Variants in CUL9 observed in about 807,000 individuals in gnomAD.
CUL9 encodes cullin 9.
In CUL9, 79 loss-of-function variants were observed where a neutral mutation model predicts 272.6. The ratio of observed to expected loss-of-function variants is 0.29; its 90% CI spans 0.24 to 0.35. The LOEUF is 0.35. Among genes scored for constraint, CUL9 ranks in the 10% least tolerant of loss-of-function variants. CUL9 has a pLI of 1.00. For missense variants in CUL9, 2,532 were observed against 3,255.6 expected (o/e 0.78, Z 5.41); for synonymous variants, 1,186 against 1,286.5 (o/e 0.92, Z 1.67).
intron 8 of CUL9, among the ~76,000 whole-genome samples, chr6:43,190,348 A>T (rs529969125): frequency 2.6e-4 from 39 of 150,334 alleles, no homozygotes; most frequent in African/African-American, 9.5e-4. Flanking sequence ...CCACTTTTTA[A>T]TTGGATCTTT....
chr6:43,188,776 C>T (rs574090147), intron 8 of CUL9, 61 bp downstream of exon 8: 45 of 1,372,164 alleles, frequency 3.3e-5, no homozygotes, highest in African/African-American at 1.9e-4. Context: ...ATGGTGGTAG[C>T]GGGGAAGGAG....
chr6:43,206,178 C>T lies in CUL9; in HGVS notation c.4965C>T (p.Leu1655=), dbSNP rs45597237. The T allele has an allele frequency of 3.6e-4, 575 of 1,613,282 alleles. No homozygotes were observed. The highest frequency in any genetic ancestry group is 4.7e-4 in the Non-Finnish European group (552 of 1,179,784). Residue 1655 remains leucine (L), a synonymous_variant, in exon 25 of 41, where the codon CTC becomes CTT. Transcript: ENST00000252050. The surrounding 1 kb of genome is among the most constrained non-coding windows in gnomAD (Gnocchi z 4.8). ...TCCACCTCTTCCAGCTCCAGCGGCT[C>T]GACAAGTTGTTCTTGGAGCAGGAAG... ...RQFHLFQLQR[L]DKLFLEQEDE... is the part of the protein sequence containing the mutation.
chr6:43,196,320 C>A, intron 10 of CUL9, 55 bp downstream of exon 10: 1 of 1,506,168 alleles, frequency 6.6e-7, no homozygotes, highest in Non-Finnish European at 9.0e-7. Flanking sequence ...AACCCTGCTA[C>A]TCCTGTGCTC....
intron 8 of CUL9, among the ~76,000 whole-genome samples, chr6:43,189,453 G>A (rs1211934936): frequency 1.3e-5 from 2 of 151,976 alleles, no homozygotes; most frequent in African/African-American, 4.8e-5. Flanking sequence ...CAAAGTGCTG[G>A]GATTGCAGGC....
At position 43,203,443 on chromosome 6, in the gene CUL9, T is replaced by C; in HGVS notation, c.3876T>C (p.Gly1292=). 1 of 1,613,884 alleles carries C rather than the reference T, an allele frequency of 6.2e-7. No individual in the cohort carries two copies. The highest frequency in any genetic ancestry group is 1.6e-4 in the Middle Eastern group (1 of 6,062). Residue 1292 remains glycine, a synonymous_variant, in exon 19 of 41, where the codon GGT becomes GGC. Transcript: ENST00000252050. The surrounding 1 kb of genome is among the most constrained non-coding windows in gnomAD (Gnocchi z 5.0). ...QQGGIDTRVR[G]VEVLGPKPTF... is the part of the protein sequence containing the mutation. ...GCGGCATTGACACCCGGGTTCGGGGTGTGGAGGTCCTGGGCCCTAAGCCCA... is the reference window on the plus strand; with the variant it reads ...GCGGCATTGACACCCGGGTTCGGGGCGTGGAGGTCCTGGGCCCTAAGCCCA...
In CUL9 at chr6:43,199,046, C is replaced by G. The variant is rs1378166951; in HGVS notation, c.3050+191C>G. Among the ~76,000 whole-genome samples, 1 of 152,040 alleles carries G rather than the reference C, an allele frequency of 6.6e-6. No homozygotes were observed. Among genetic ancestry groups the G allele is most frequent in the East Asian group, 1.9e-4 (1 of 5,194 alleles). ...CTACCTCCCAGGTTCAAGTGGTTCT[C>G]CTGCCTCAGCCTCCCGAGTAGCTGG... On this transcript the variant is annotated intron_variant, in intron 12 of 40. Coordinates refer to ENST00000252050, the MANE Select transcript of CUL9 (RefSeq NM_015089.4). The surrounding 1 kb of genome is among the most constrained non-coding windows in gnomAD (Gnocchi z 4.4).
rs917843462 is a variant in CUL9, at chr6:43,199,914, T to G, written c.3157-15T>G. ...CTTGTTTCCTGTAAATTAATCTATGTGGCTCTGGGCTCAGATTGTTCAGGA... is the reference window on the plus strand; with the variant it reads ...CTTGTTTCCTGTAAATTAATCTATGGGGCTCTGGGCTCAGATTGTTCAGGA... On this transcript the variant is annotated splice_polypyrimidine_tract_variant and intron_variant, in intron 13 of 40. Transcript: ENST00000252050. The surrounding 1 kb of genome is among the most constrained non-coding windows in gnomAD (Gnocchi z 4.4). 1 of 1,597,930 alleles carries G rather than the reference T, an allele frequency of 6.3e-7. No homozygotes were observed. Among genetic ancestry groups the G allele is most frequent in the Non-Finnish European group, 8.6e-7 (1 of 1,165,466 alleles).
intron 8 of CUL9, among the ~76,000 whole-genome samples, chr6:43,190,016 AC>A (rs1403171979): frequency 1.1e-5 from 1 of 92,056 alleles, no homozygotes. Flanking sequence ...TGTTTCTACA[AC>A]TTTTTTTTTT....
rs375709335 is a variant in CUL9, at chr6:43,216,428, C to T, written c.6207C>T (p.His2069=). The T allele has an allele frequency of 2.5e-6, 4 of 1,612,814 alleles. No individual in the cohort carries two copies. The highest frequency in any genetic ancestry group is 3.4e-6 in the Non-Finnish European group (4 of 1,179,002). Residue 2069 remains histidine, a synonymous_variant, in exon 31 of 41, where the codon CAC becomes CAT. Coordinates refer to ENST00000252050, the MANE Select transcript of CUL9 (RefSeq NM_015089.4). ...AGGCTGTACCCGTACGGCCTGACCA[C>T]TGCCCCGTCTGTGTGAGCCCCCTGG... The part of the protein sequence containing the change: ...QAQAVPVRPD[H]CPVCVSPLGC...
Position 43,206,726 on chromosome 6 carries a change from A to G in CUL9, c.5212+216A>G, listed in dbSNP as rs890375206. ...GTTCTGTTTTCTTTTTCTAACTTCA[A>G]GTGAGGTGCTTATTTGATTTTTAGT... On this transcript the variant is annotated intron_variant, in intron 26 of 40. Coordinates refer to ENST00000252050, the MANE Select transcript of CUL9 (RefSeq NM_015089.4). The surrounding 1 kb of genome is among the most constrained non-coding windows in gnomAD (Gnocchi z 4.8). 2.6e-5 allele frequency among the ~76,000 whole-genome samples: 4 copies of G among 152,180 alleles called. No individual in the cohort carries two copies. The highest frequency in any genetic ancestry group is 2.1e-4 in the South Asian group (1 of 4,832).
At position 43,224,570 on chromosome 6, in the gene CUL9, G is replaced by A. The variant is rs998381630; in HGVS notation, c.*125G>A. The stretch of plus-strand genomic sequence containing the variant: ...AGTGCTTCCTGTTTGCTGAATAAAG[G>A]TCTCTTTCTCACACACATCTCTGGG... On this transcript the variant is annotated 3_prime_UTR_variant, in exon 41 of 41. Transcript: ENST00000252050. The surrounding 1 kb of genome is among the most constrained non-coding windows in gnomAD (Gnocchi z 4.2). The A allele has an allele frequency of 1.1e-6, 1 of 922,994 alleles. No homozygotes were observed. The highest frequency in any genetic ancestry group is 1.7e-5 in the African/African-American group (1 of 59,382). The allele number at this position is 922,994 out of a possible 1,614,324, so 57.2% of individuals were successfully genotyped here.
rs755374913 is a variant in CUL9, at chr6:43,196,219, C to T, written c.2539C>T (p.Leu847Phe). Residue 847 changes from leucine (L) to phenylalanine (F), a missense_variant, in exon 10 of 41, where the codon CTC (leucine) becomes TTC (phenylalanine). Around this residue, in one of 3 missense-constraint regions of CUL9, gnomAD observed 2,218 missense variants for 2,788.6 expected, o/e 0.80. Coordinates refer to ENST00000252050, the MANE Select transcript of CUL9 (RefSeq NM_015089.4). Reference sequence around the variant, plus strand: ...CACACGCCCGGGCTCTGAGAGCCTGCTCCTCACTGTCCCTGCAGCCGTGAT... The same window carrying T: ...CACACGCCCGGGCTCTGAGAGCCTGTTCCTCACTGTCCCTGCAGCCGTGAT... ...SATRPGSESL[L>F]LTVPAAVILM... The T allele has an allele frequency of 1.2e-6, 2 of 1,614,158 alleles. No individual in the cohort carries two copies. The highest frequency in any genetic ancestry group is 1.1e-5 in the South Asian group (1 of 91,080).
intron 31 of CUL9, among the ~76,000 whole-genome samples, chr6:43,217,534 A>C (rs1202529381): frequency 6.6e-6 from 1 of 152,196 alleles, no homozygotes; most frequent in African/African-American, 2.4e-5. Flanking sequence ...CAAACACTTC[A>C]GTTTAGCAGG....
Position 43,199,642 on chromosome 6 carries a change from G to A in CUL9, c.3156+271G>A, listed in dbSNP as rs897853123. 1.4e-4 allele frequency among the ~76,000 whole-genome samples: 22 copies of A among 152,184 alleles called. No individual in the cohort carries two copies. The highest frequency in any genetic ancestry group is 4.8e-4 in the African/African-American group (20 of 41,440). ...AATCCAGACAGCTGTCCTCCCTTCC[G>A]GGTTTGTGCATTGGAGAGCAAGGCT... is the stretch of plus-strand genomic sequence containing the variant. On this transcript the variant is annotated intron_variant, in intron 13 of 40. Transcript: ENST00000252050. This position sits in a 1 kb window ranked among gnomAD's most constrained non-coding sequence, Gnocchi z 4.4.
intron 26 of CUL9, among the ~76,000 whole-genome samples, chr6:43,209,240 G>A (rs1324086026): frequency 1.5e-4 from 23 of 151,218 alleles, no homozygotes; most frequent in Non-Finnish European, 1.5e-5. Context: ...CTGCCTCCCG[G>A]GTTCACACCA....
At chr6:43,191,252 T>TG (rs1554167831) in intron 8 of CUL9, among the ~76,000 whole-genome samples, 5 of 126,974 alleles carry the variant, frequency 3.9e-5, no homozygotes, top group Admixed American at 8.0e-5. Flanking sequence ...CTAAATTGCA[T>TG]TGTGTGTGTG....
Position 43,199,976 on chromosome 6 carries a change from T to C in CUL9, c.3204T>C (p.His1068=), listed in dbSNP as rs1410300778. Residue 1068 remains histidine, a synonymous_variant, in exon 14 of 41, where the codon CAT becomes CAC. Transcript: ENST00000252050. The surrounding 1 kb of genome is among the most constrained non-coding windows in gnomAD (Gnocchi z 4.4). ...TCFLHRLASM[H]KDYAVVLCCL... ...TCCTACATCGCCTGGCCTCGATGCATAAGGACTATGCTGTGGTGCTCTGCT... is the reference window on the plus strand; with the variant it reads ...TCCTACATCGCCTGGCCTCGATGCACAAGGACTATGCTGTGGTGCTCTGCT... The C allele has an allele frequency of 6.2e-7, 1 of 1,614,076 alleles. No homozygotes were observed. The highest frequency in any genetic ancestry group is 8.5e-7 in the Non-Finnish European group (1 of 1,180,050).
chr6:43,214,555 C>T (rs936780943), intron 29 of CUL9, among the ~76,000 whole-genome samples: 3 of 152,124 alleles, frequency 2.0e-5, no homozygotes, highest in African/African-American at 7.2e-5. Flanking sequence ...AATCCTAGCA[C>T]TTTGGGAGGC....
intron 1 of CUL9, among the ~76,000 whole-genome samples, chr6:43,182,715 C>T (rs1285284362): frequency 1.3e-5 from 2 of 151,952 alleles, no homozygotes; most frequent in East Asian, 1.9e-4. Flanking sequence ...CCATCTTTCT[C>T]CCTCCTCTTC....
Sources: gnomAD v4.1 joint callset for allele counts (sites outside exome capture counted in the v4.1 genomes callset) on GRCh38, gnomAD v4.1.1 for gene constraint, gnomAD v4.1.1 regional missense constraint, Gnocchi (gnomAD v3.1) non-coding constraint, MANE v1.5 for transcripts, NCBI Gene and HGNC (gene_info 2026-07-23, HGNC 2026-07-21) for gene names.